The following PRKCH variants were observed in gnomAD, a reference collection of about 807,000 sequenced individuals.
PRKCH encodes protein kinase C eta type.
PRKCH carries 28 observed loss-of-function variants against 82.5 expected under a neutral mutation model. That is an observed-to-expected ratio of 0.34 (90% CI 0.25 to 0.47). PRKCH has a LOEUF of 0.47. Ranked by LOEUF, PRKCH falls within the 20% of genes least tolerant of loss-of-function variation. PRKCH has a pLI of 1.00. For synonymous variants in PRKCH, 322 were observed against 327.4 expected, an observed-to-expected ratio of 0.98 and a Z score of 0.18; for missense variants, 705 against 881.8, an observed-to-expected ratio of 0.80 and a Z score of 2.54.
At chr14:61,189,194 G>C (rs1407846688) in intron 1 of PRKCH, among the ~76,000 whole-genome samples, 1 of 152,216 alleles carries the variant, frequency 6.6e-6, no homozygotes, top group Non-Finnish European at 1.5e-5. Flanking sequence ...CCCTACAGGG[G>C]GAAGCCCGCC....
chr14:61,523,675 C>G (rs1415676289), intron 10 of PRKCH, among the ~76,000 whole-genome samples: 1 of 152,102 alleles, frequency 6.6e-6, no homozygotes, highest in Non-Finnish European at 1.5e-5. Flanking sequence ...AGCTTTTTTC[C>G]AGGTTTTCTA....
intron 10 of PRKCH, among the ~76,000 whole-genome samples, chr14:61,518,909 C>A (rs1301190201): frequency 6.6e-6 from 1 of 152,126 alleles, no homozygotes; most frequent in Non-Finnish European, 1.5e-5. Flanking sequence ...AACCCCTGGG[C>A]TCAAGCAATC....
At chr14:61,313,871 C>T (rs1447946616) in intron 1 of PRKCH, among the ~76,000 whole-genome samples, 2 of 152,214 alleles carry the variant, frequency 1.3e-5, no homozygotes, top group Admixed American at 1.3e-4. Flanking sequence ...TCCTACAACA[C>T]GTGGGAATTC....
chr14:61,526,316 G>A (rs926144362), intron 10 of PRKCH, among the ~76,000 whole-genome samples: 1 of 152,234 alleles, frequency 6.6e-6, no homozygotes, highest in Non-Finnish European at 1.5e-5. Flanking sequence ...CTTCGCTGAA[G>A]TGGGTGCACA....
At chr14:61,196,038 G>A (rs2044439892) in intron 1 of PRKCH, among the ~76,000 whole-genome samples, 1 of 152,124 alleles carries the variant, frequency 6.6e-6, no homozygotes, top group Non-Finnish European at 1.5e-5. Flanking sequence ...AGTAAGAAGG[G>A]CAATATTAAA....
chr14:61,505,390 CTTTTCTTTTTTTTTTTTT>C (rs1363397761), intron 10 of PRKCH, among the ~76,000 whole-genome samples: 12 of 74,760 alleles, frequency 1.6e-4, no homozygotes, highest in African/African-American at 5.8e-4. Flanking sequence ...CTTTTCTTTT[CTTTTCTTTTTTTTTTTTT>C]TTTTTTTTTT....
At chr14:61,542,934 C>CA (rs754544887) in intron 12 of PRKCH, among the ~76,000 whole-genome samples, 1 of 152,168 alleles carries the variant, frequency 6.6e-6, no homozygotes, top group African/African-American at 2.4e-5. Flanking sequence ...AGGCGCTTTA[C>CA]GTTAATTCTC....
chr14:61,521,193 CAGG>C (rs2042901708), intron 10 of PRKCH, among the ~76,000 whole-genome samples: 1 of 152,158 alleles, frequency 6.6e-6, no homozygotes, highest in Non-Finnish European at 1.5e-5. Flanking sequence ...ATACCTTTTT[CAGG>C]AATGATCAAT....
chr14:61,218,376 C>CTG (rs1566784393), intron 1 of PRKCH, among the ~76,000 whole-genome samples: 1 of 152,202 alleles, frequency 6.6e-6, no homozygotes, highest in African/African-American at 2.4e-5. Context: ...GGAAGCATGA[C>CTG]TGAGCTACCC....
intron 1 of PRKCH, chr14:61,361,206 A>G (rs1318729293): frequency 2.0e-5 from 3 of 152,150 alleles, no homozygotes; most frequent in Non-Finnish European, 4.4e-5. Flanking sequence ...GAGAGAAGAG[A>G]TGTGAGGATG....
At chr14:61,412,433 A>G (rs1472908568) in intron 2 of PRKCH, among the ~76,000 whole-genome samples, 1 of 152,166 alleles carries the variant, frequency 6.6e-6, no homozygotes, top group Admixed American at 6.5e-5. Context: ...AACCGAACCC[A>G]TATGACCTGA....
At chr14:61,310,412 T>C (rs1021656178) in intron 1 of PRKCH, among the ~76,000 whole-genome samples, 3 of 152,172 alleles carry the variant, frequency 2.0e-5, no homozygotes, top group South Asian at 2.1e-4. Context: ...ACAAGCCCCA[T>C]GCAAGTCCAA....
chr14:61,193,424 A>G (rs2044420198), intron 1 of PRKCH, among the ~76,000 whole-genome samples: 1 of 152,194 alleles, frequency 6.6e-6, no homozygotes, highest in African/African-American at 2.4e-5. Flanking sequence ...CTTTCTTAGC[A>G]TGAAAAATTT....
chr14:61,358,216 C>T (rs542524192), intron 1 of PRKCH, among the ~76,000 whole-genome samples: 3 of 152,288 alleles, frequency 2.0e-5, no homozygotes, highest in African/African-American at 4.8e-5. Context: ...TACTATCCAT[C>T]TCAGAAATTC....
chr14:61,346,704 T>C (rs1395123564), intron 1 of PRKCH, among the ~76,000 whole-genome samples: 1 of 152,186 alleles, frequency 6.6e-6, no homozygotes, highest in Non-Finnish European at 1.5e-5. Flanking sequence ...ATGGTGTTAA[T>C]GCAGAATTCT....
intron 1 of PRKCH, among the ~76,000 whole-genome samples, chr14:61,207,106 CAAAAAAAAAAAAAAAA>C (rs71114196): frequency 1.0e-4 from 5 of 49,158 alleles, no homozygotes; most frequent in Non-Finnish European, 1.7e-4. Context: ...AACTCCATCT[CAAAAAAAAAAAAAAAA>C]AAAAAAAAAA....
At chr14:61,450,737 A>T in intron 5 of PRKCH, 105 bp from the exon 6 acceptor site, 1 of 1,334,284 alleles carries the variant, frequency 7.5e-7, no homozygotes, top group Non-Finnish European at 1.0e-6. Flanking sequence ...TACCTAGCTC[A>T]GGTGTCATAG....
In PRKCH at chr14:61,373,619, GAGACAGAGCATC is replaced by G. The variant is rs2046392212; in HGVS notation, c.364-17603_364-17592del. 2.0e-5 allele frequency among the ~76,000 whole-genome samples: 3 copies of G among 151,820 alleles called. No individual in the cohort carries two copies. In the South Asian group the frequency reaches 6.2e-4, roughly 32 times the overall value. On this transcript the variant is annotated intron_variant, in intron 1 of 13. Transcript: ENST00000332981. ...AGTCTTCGTTTTTGTTTTTGTTTTT[GAGACAGAGCATC>G]AGTCTGTCACCCAGGCTGGAGTGCA...
intron 12 of PRKCH, among the ~76,000 whole-genome samples, chr14:61,533,033 A>G (rs1210802742): frequency 6.6e-6 from 1 of 152,202 alleles, no homozygotes; most frequent in Non-Finnish European, 1.5e-5. Context: ...CTGGGCTCAC[A>G]GTGCCGGGCC....
Sources: allele counts gnomAD v4.1 joint callset (sites outside exome capture counted in the v4.1 genomes callset), GRCh38; gene constraint gnomAD v4.1.1; transcripts MANE v1.5; gene names NCBI Gene and HGNC (gene_info 2026-07-23, HGNC 2026-07-21).